Variants in FBXO11 observed in about 807,000 individuals in gnomAD.
FBXO11 encodes F-box protein 11.
Under a neutral mutation model 117.0 loss-of-function variants are expected in FBXO11, and 13 were observed. That is an observed-to-expected ratio of 0.11 (90% CI 0.07 to 0.18). The LOEUF (loss-of-function observed/expected upper bound fraction) is 0.18, where lower values mean the gene tolerates loss of function less well. Among genes scored for constraint, FBXO11 ranks in the 10% least tolerant of loss-of-function variants. The pLI is 1.00. For missense variants in FBXO11, 767 were observed against 1,164.4 expected, an observed-to-expected ratio of 0.66 and a Z score of 4.97; for synonymous variants, 490 against 380.5, an observed-to-expected ratio of 1.29 and a Z score of -3.35.
chr2:47,875,635 A>T (rs959614583), intron 1 of FBXO11, among the ~76,000 whole-genome samples: 1 of 152,132 alleles, frequency 6.6e-6, no homozygotes, highest in Non-Finnish European at 1.5e-5. Flanking sequence ...AAAAGGGTCT[A>T]ATGGACTCAT....
chr2:47,827,133 C>G (rs947297360), intron 11 of FBXO11, among the ~76,000 whole-genome samples: 1 of 152,138 alleles, frequency 6.6e-6, no homozygotes, highest in South Asian at 2.1e-4. Context: ...AATAAAGCAG[C>G]AAAAAGTTTT....
At chr2:47,827,878 G>A (rs927374890) in intron 11 of FBXO11, among the ~76,000 whole-genome samples, 1 of 148,914 alleles carries the variant, frequency 6.7e-6, no homozygotes, top group African/African-American at 2.5e-5. Flanking sequence ...TGTATTTTTA[G>A]TAGAGACGGG....
At chr2:47,848,744 T>C (rs1673612176) in intron 1 of FBXO11, among the ~76,000 whole-genome samples, 1 of 152,182 alleles carries the variant, frequency 6.6e-6, no homozygotes, top group African/African-American at 2.4e-5. Flanking sequence ...ATCTCTGACA[T>C]CTTTGATAAT....
chr2:47,904,754 G>A (rs1678620227), intron 1 of FBXO11, among the ~76,000 whole-genome samples: 1 of 152,072 alleles, frequency 6.6e-6, no homozygotes, highest in Non-Finnish European at 1.5e-5. Context: ...AAGGGTAACT[G>A]CACTGCACAC....
intron 1 of FBXO11, among the ~76,000 whole-genome samples, chr2:47,893,133 GAC>G (rs1677386618): frequency 6.7e-6 from 1 of 150,052 alleles, no homozygotes; most frequent in African/African-American, 2.4e-5. Context: ...CAGCCTGGAT[GAC>G]ACAGTGATAC....
In FBXO11 at chr2:47,905,833, G is replaced by A. The variant is rs2104143896; in HGVS notation, c.-113C>T. On this transcript the variant is annotated 5_prime_UTR_variant, in exon 1 of 23. Coordinates refer to ENST00000403359, the MANE Select transcript of FBXO11 (RefSeq NM_001190274.2). ...AGTGGGAGAGGGGGGAGGAAGGAGA[G>A]GGGGCGAGGGGAAGGGGAGACGCTG... The A allele has an allele frequency of 2.4e-6, 2 of 846,792 alleles. No individual in the cohort carries two copies. The highest frequency in any genetic ancestry group is 1.9e-5 in the South Asian group (1 of 52,852). The allele number at this position is 846,792 out of a possible 1,614,324, so 52.5% of individuals were successfully genotyped here.
rs1352307115 is a variant in FBXO11, at chr2:47,905,913, A to G, written c.-193T>C. 5.2e-6 allele frequency: 3 copies of G among 574,848 alleles called. No homozygotes were observed. The highest frequency in any genetic ancestry group is 4.0e-5 in the African/African-American group (2 of 49,966). The allele number at this position is 574,848 out of a possible 1,614,324, so 35.6% of individuals were successfully genotyped here. A position where few individuals can be genotyped will look rare whatever the true frequency, so the allele number is the denominator to read the frequency against. On this transcript the variant is annotated 5_prime_UTR_variant, in exon 1 of 23. Coordinates refer to ENST00000403359, the MANE Select transcript of FBXO11 (RefSeq NM_001190274.2). ...TCCGGAGAAAGGCCCGGGTAGACAG[A>G]CGGAGACCGAGCGAGGCCGGCCGGG...
chr2:47,905,770 GC>G lies in FBXO11; in HGVS notation c.-51del. The G allele has an allele frequency of 7.9e-7, 1 of 1,270,450 alleles. No individual in the cohort carries two copies. The highest frequency in any genetic ancestry group is 1.0e-6 in the Non-Finnish European group (1 of 981,176). 78.7% of individuals were successfully genotyped at this position (1,270,450 alleles called of 1,614,324 possible). Reference sequence around the variant, plus strand: ...GGCGGAGGGACACACACACGCACACGCACAGCGAGCTTCGGGGCAGGAGAAA... The same window carrying G: ...GGCGGAGGGACACACACACGCACACGACAGCGAGCTTCGGGGCAGGAGAAA... On this transcript the variant is annotated 5_prime_UTR_variant, in exon 1 of 23. Transcript: ENST00000403359.
At position 47,834,727 on chromosome 2, in the gene FBXO11, T is replaced by C. The variant is rs202141407; in HGVS notation, c.802-16A>G. On this transcript the variant is annotated splice_polypyrimidine_tract_variant and intron_variant, in intron 6 of 22. Coordinates refer to ENST00000403359, the MANE Select transcript of FBXO11 (RefSeq NM_001190274.2). ...TATCATAATACTAGAAAAAAATAAATGTGTCAGTACAGAACTGAAAGATTA... is the reference window on the plus strand; with the variant it reads ...TATCATAATACTAGAAAAAAATAAACGTGTCAGTACAGAACTGAAAGATTA... 7.9e-4 allele frequency: 1,267 copies of C among 1,606,904 alleles called. 9 individuals carry two copies. In the African/African-American group the frequency reaches 0.015, roughly 19 times the overall value.
At chr2:47,810,155 A>G (rs1446189867) in intron 19 of FBXO11, 161 bp downstream of exon 19, 7 of 566,342 alleles carry the variant, frequency 1.2e-5, no homozygotes, top group Non-Finnish European at 1.5e-5. Flanking sequence ...AGAAGAATCC[A>G]GAACTTGATT....
rs574161687 is a variant in FBXO11, at chr2:47,837,776, G to C, written c.587+1083C>G. On this transcript the variant is annotated intron_variant, in intron 4 of 22. Coordinates refer to ENST00000403359, the MANE Select transcript of FBXO11 (RefSeq NM_001190274.2). ...AACAGGGTCTCCGTCTGCCGCCCAGGCTGCAGTGCAGTGGCACGATCACGG... is the reference window on the plus strand; with the variant it reads ...AACAGGGTCTCCGTCTGCCGCCCAGCCTGCAGTGCAGTGGCACGATCACGG... 1.1e-4 allele frequency among the ~76,000 whole-genome samples: 17 copies of C among 152,210 alleles called. No homozygotes were observed. In the East Asian group the frequency reaches 2.9e-3, roughly 26 times the overall value.
intron 11 of FBXO11, among the ~76,000 whole-genome samples, chr2:47,826,173 C>G (rs1252157489): frequency 1.3e-5 from 2 of 151,976 alleles, no homozygotes. Flanking sequence ...ATTCTCCTGC[C>G]TTAGCCTCCC....
At chr2:47,866,779 G>T (rs1040391481) in intron 1 of FBXO11, among the ~76,000 whole-genome samples, 10 of 152,148 alleles carry the variant, frequency 6.6e-5, no homozygotes, top group Non-Finnish European at 1.2e-4. Flanking sequence ...GCCTATGCTA[G>T]CAAGTTTTCC....
At chr2:47,845,933 T>A (rs1448546652) in intron 1 of FBXO11, among the ~76,000 whole-genome samples, 2 of 151,568 alleles carry the variant, frequency 1.3e-5, no homozygotes, top group Non-Finnish European at 2.9e-5. Flanking sequence ...CCTTCCAACA[T>A]CCAAATCCAC....
In FBXO11 at chr2:47,834,874, A is replaced by G. The variant is rs1044407748; in HGVS notation, c.718-3T>C. The G allele has an allele frequency of 1.9e-6, 3 of 1,607,698 alleles. No homozygotes were observed. The East Asian group carries it at 6.7e-5, about 36-fold the overall frequency. On this transcript the variant is annotated splice_polypyrimidine_tract_variant and splice_region_variant and intron_variant, in intron 5 of 22. Coordinates refer to ENST00000403359, the MANE Select transcript of FBXO11 (RefSeq NM_001190274.2). ...GGCTTTACATGTGCACCTTTATACT[A>G]AAATGTCAAAAACAAAACAAAACCA...
chr2:47,818,707 G>A, intron 16 of FBXO11, 72 bp downstream of exon 16: 2 of 977,296 alleles, frequency 2.0e-6, no homozygotes, highest in Non-Finnish European at 3.1e-6. Flanking sequence ...TAAACAATAA[G>A]CAAATTTCTT....
At chr2:47,818,630 A>G in intron 16 of FBXO11, 149 bp downstream of exon 16, 1 of 637,630 alleles carries the variant, frequency 1.6e-6, no homozygotes, top group Non-Finnish European at 2.7e-6. Context: ...CTACATTCTG[A>G]CAATTTAAGT....
intron 1 of FBXO11, among the ~76,000 whole-genome samples, chr2:47,896,196 A>C (rs1677650900): frequency 6.6e-6 from 1 of 152,170 alleles, no homozygotes; most frequent in Non-Finnish European, 1.5e-5. Flanking sequence ...TCAGAAAAAG[A>C]TCAGGAAAAG....
At chr2:47,852,560 T>G (rs557594819) in intron 1 of FBXO11, among the ~76,000 whole-genome samples, 5 of 152,340 alleles carry the variant, frequency 3.3e-5, no homozygotes, top group African/African-American at 1.2e-4. Context: ...AAAATAATTT[T>G]TAAGTCAATG....
Sources: gnomAD v4.1 joint callset for allele counts (sites outside exome capture counted in the v4.1 genomes callset) on GRCh38, gnomAD v4.1.1 for gene constraint, MANE v1.5 for transcripts, NCBI Gene and HGNC (gene_info 2026-07-23, HGNC 2026-07-21) for gene names.